The following FOXP1 variants were observed in gnomAD, a reference collection of about 807,000 sequenced individuals.
The protein encoded by FOXP1 is forkhead box P1.
In FOXP1, 15 loss-of-function variants were observed where a neutral mutation model predicts 98.2. The ratio of observed to expected loss-of-function variants is 0.15; its 90% CI spans 0.10 to 0.24. FOXP1 has a LOEUF of 0.24. FOXP1 is among the 10% of genes least tolerant of loss of function. FOXP1 has a pLI of 1.00. For synonymous variants in FOXP1, 371 were observed against 314.5 expected, an observed-to-expected ratio of 1.18 and a Z score of -1.90; for missense variants, 633 against 848.5, an observed-to-expected ratio of 0.75 and a Z score of 3.15.
intron 20 of FOXP1, among the ~76,000 whole-genome samples, chr3:70,962,939 C>T (rs1352924689): frequency 6.6e-6 from 1 of 152,178 alleles, no homozygotes; most frequent in East Asian, 1.9e-4. Context: ...CAGTTCACAA[C>T]ATCAGAGAAT....
chr3:71,281,802 C>A (rs1332276755), intron 5 of FOXP1, among the ~76,000 whole-genome samples: 1 of 152,006 alleles, frequency 6.6e-6, no homozygotes, highest in Non-Finnish European at 1.5e-5. Context: ...CATTATCATC[C>A]CTCAAATCTA....
At chr3:71,216,021 C>A (rs1414132034) in intron 5 of FOXP1, among the ~76,000 whole-genome samples, 1 of 152,216 alleles carries the variant, frequency 6.6e-6, no homozygotes, top group African/African-American at 2.4e-5. Flanking sequence ...GCACCTTATA[C>A]TGTGGATACA....
intron 5 of FOXP1, among the ~76,000 whole-genome samples, chr3:71,262,446 T>A (rs2107200240): frequency 6.6e-6 from 1 of 151,684 alleles, no homozygotes; most frequent in African/African-American, 2.4e-5. Context: ...CTTCCAGAAA[T>A]AAATAAGCAA....
intron 6 of FOXP1, among the ~76,000 whole-genome samples, chr3:71,118,854 A>G (rs752431771): frequency 4.6e-5 from 7 of 152,216 alleles, no homozygotes; most frequent in Non-Finnish European, 8.8e-5. Context: ...TCATTCCCTT[A>G]TATATAATCT....
chr3:71,349,267 G>A (rs142213178), intron 4 of FOXP1, among the ~76,000 whole-genome samples: 4 of 152,124 alleles, frequency 2.6e-5, no homozygotes, highest in African/African-American at 9.7e-5. Context: ...TAACTTAGCA[G>A]GAGGAAATAA....
intron 5 of FOXP1, 84 bp from the exon 6 acceptor site, chr3:71,198,476 G>A: frequency 8.2e-7 from 1 of 1,222,280 alleles, no homozygotes; most frequent in Non-Finnish European, 1.2e-6. Flanking sequence ...TGCATAAGGA[G>A]AAGGGCCTTG....
chr3:71,309,286 C>A lies in FOXP1; in HGVS notation c.-72-9406G>T, dbSNP rs563601534. Among the ~76,000 whole-genome samples the A allele has an allele frequency of 5.3e-5, 8 of 151,910 alleles. No individual in the cohort carries two copies. The East Asian group carries it at 1.3e-3, about 26-fold the overall frequency. The stretch of plus-strand genomic sequence containing the variant: ...ATATAAAATATGGTCGAAATCACTG[C>A]GCTAAGAAAAAAGAAAAGCTGATTC... On this transcript the variant is annotated intron_variant, in intron 4 of 20. Transcript: ENST00000649528.
chr3:71,472,337 A>G (rs1049335824), intron 3 of FOXP1, among the ~76,000 whole-genome samples: 1 of 152,154 alleles, frequency 6.6e-6, no homozygotes, highest in African/African-American at 2.4e-5. Flanking sequence ...CCCAATAAAC[A>G]CTCGACACAA....
chr3:71,184,881 C>T (rs2062553487), intron 6 of FOXP1, among the ~76,000 whole-genome samples: 2 of 151,764 alleles, frequency 1.3e-5, no homozygotes, highest in Non-Finnish European at 2.9e-5. Context: ...GGGCCATAAA[C>T]CTGCAAAACA....
chr3:71,091,326 C>A (rs1036823927), intron 7 of FOXP1, among the ~76,000 whole-genome samples: 1 of 151,924 alleles, frequency 6.6e-6, no homozygotes, highest in African/African-American at 2.4e-5. Flanking sequence ...CCCGTCTCTA[C>A]TAAAAATACA....
At chr3:71,452,955 GACA>G (rs1436477803) in intron 3 of FOXP1, among the ~76,000 whole-genome samples, 35 of 152,140 alleles carry the variant, frequency 2.3e-4, no homozygotes, top group Admixed American at 2.3e-3. Flanking sequence ...CCAAAGTCCT[GACA>G]ACAACTGGCT....
chr3:71,132,419 C>T (rs1436851472), intron 6 of FOXP1, among the ~76,000 whole-genome samples: 2 of 152,102 alleles, frequency 1.3e-5, no homozygotes, highest in Admixed American at 1.3e-4. Context: ...TCACAACTTT[C>T]TCAGAGACAT....
chr3:70,983,960 T>A (rs2039312628), intron 14 of FOXP1, among the ~76,000 whole-genome samples: 1 of 152,170 alleles, frequency 6.6e-6, no homozygotes, highest in Admixed American at 6.5e-5. Context: ...GACATTTGGG[T>A]GTTTACTTTG....
At chr3:71,485,902 G>C (rs2090612209) in intron 3 of FOXP1, among the ~76,000 whole-genome samples, 1 of 152,074 alleles carries the variant, frequency 6.6e-6, no homozygotes, top group Non-Finnish European at 1.5e-5. Context: ...TTTGGAGGAA[G>C]CCATTCCCTT....
chr3:71,194,505 C>A (rs1254112787), intron 6 of FOXP1, among the ~76,000 whole-genome samples: 1 of 151,928 alleles, frequency 6.6e-6, no homozygotes, highest in Non-Finnish European at 1.5e-5. Context: ...AAATAAAATT[C>A]TGCTTTCTAA....
intron 6 of FOXP1, among the ~76,000 whole-genome samples, chr3:71,194,321 T>C (rs1481472643): frequency 2.6e-5 from 4 of 151,916 alleles, no homozygotes; most frequent in Non-Finnish European, 5.9e-5. Flanking sequence ...AAATGGAATG[T>C]TGTTAAGAAA....
At chr3:71,450,830 A>G (rs990513244) in intron 3 of FOXP1, among the ~76,000 whole-genome samples, 6 of 151,744 alleles carry the variant, frequency 4.0e-5, no homozygotes, top group Middle Eastern at 3.4e-3. Context: ...GCAAGAAGTA[A>G]TTTCTCCCTC....
intron 4 of FOXP1, among the ~76,000 whole-genome samples, chr3:71,338,121 G>C (rs1214672357): frequency 6.6e-6 from 1 of 152,184 alleles, no homozygotes; most frequent in Non-Finnish European, 1.5e-5. Flanking sequence ...TTTCTAAGCA[G>C]GATAAATGAC....
intron 2 of FOXP1, among the ~76,000 whole-genome samples, chr3:71,555,838 T>C (rs2046087465): frequency 6.6e-6 from 1 of 150,788 alleles, no homozygotes; most frequent in Non-Finnish European, 1.5e-5. Flanking sequence ...AATAATCAAA[T>C]CAAACTCTTA....
Sources: gnomAD v4.1 joint callset for allele counts (sites outside exome capture counted in the v4.1 genomes callset) on GRCh38, gnomAD v4.1.1 for gene constraint, MANE v1.5 for transcripts, NCBI Gene and HGNC (gene_info 2026-07-23, HGNC 2026-07-21) for gene names.